NMT1: variants seen among roughly 807,000 people sequenced by gnomAD.
NMT1 encodes glycylpeptide N-tetradecanoyltransferase 1.
A neutral mutation model predicts 63.4 loss-of-function variants in NMT1; 12 were observed. The ratio of observed to expected loss-of-function variants is 0.19; its 90% CI spans 0.12 to 0.31. The LOEUF is 0.31. Ranked by LOEUF, NMT1 falls within the 10% of genes least tolerant of loss-of-function variation. The pLI is 1.00. For synonymous variants in NMT1, 228 were observed against 234.3 expected (o/e 0.97, Z 0.25); for missense variants, 432 against 634.6 (o/e 0.68, Z 3.43).
rs79745610 is a variant in NMT1, at chr17:45,086,799, A to T, written c.385+147A>T. The T allele has an allele frequency of 9.9e-3, 7,259 of 734,878 alleles. 398 individuals carry two copies. The African/African-American group carries it at 0.11, about 12-fold the overall frequency. The allele number at this position is 734,878 out of a possible 1,614,324, so 45.5% of individuals were successfully genotyped here. The stretch of plus-strand genomic sequence containing the variant: ...TAGTTGTTTTCAGAGGGTGGTTTTT[A>T]AAAATGCAGCATAAAGACTATCATT... On this transcript the variant is annotated intron_variant, in intron 3 of 11. Coordinates refer to ENST00000258960, the MANE Select transcript of NMT1 (RefSeq NM_021079.5).
intron 1 of NMT1, among the ~76,000 whole-genome samples, chr17:45,076,842 C>G (rs1260770139): frequency 6.6e-6 from 1 of 151,978 alleles, no homozygotes. Context: ...TGCTCAGTAA[C>G]TGGCTGCTTG....
intron 1 of NMT1, among the ~76,000 whole-genome samples, chr17:45,072,052 G>A (rs2053943092): frequency 6.6e-6 from 1 of 152,118 alleles, no homozygotes; most frequent in Non-Finnish European, 1.5e-5. Flanking sequence ...AGGAATTCAA[G>A]ACCAGCCTGG....
chr17:45,097,164 C>G lies in NMT1; in HGVS notation c.633C>G (p.His211Gln), dbSNP rs1598017204. The change falls in exon 6 of 12, where the codon CAC becomes CAG. Residue 211 changes from histidine to glutamine, a missense_variant. Around this residue, in one of 4 missense-constraint regions of NMT1, gnomAD observed 295 missense variants for 489.7 expected, o/e 0.60. Coordinates refer to ENST00000258960, the MANE Select transcript of NMT1 (RefSeq NM_021079.5). ...CACCCGGCTGGCTCCCCCAGTGGCA[C>G]TGTGGGGTTCGAGTGGTCTCAAGTC... ...LRPPGWLPQW[H>Q]CGVRVVSSRK... The G allele has an allele frequency of 6.2e-7, 1 of 1,614,250 alleles. No individual in the cohort carries two copies.
chr17:45,063,382 G>A (rs1432859265), intron 1 of NMT1, among the ~76,000 whole-genome samples: 2 of 152,158 alleles, frequency 1.3e-5, no homozygotes, highest in Admixed American at 1.3e-4. Context: ...AGAGGAAGTA[G>A]GAACAGGAAG....
intron 8 of NMT1, among the ~76,000 whole-genome samples, chr17:45,102,448 C>T (rs60913586): frequency 6.6e-6 from 1 of 152,192 alleles, no homozygotes; most frequent in Admixed American, 6.5e-5. Context: ...CTGGGAAGTA[C>T]TGGTGTAATA....
chr17:45,104,822 T>C lies in NMT1; in HGVS notation c.1333-37T>C, dbSNP rs376835641. On this transcript the variant is annotated intron_variant, in intron 10 of 11. Coordinates refer to ENST00000258960, the MANE Select transcript of NMT1 (RefSeq NM_021079.5). The surrounding 1 kb of genome is among the most constrained non-coding windows in gnomAD (Gnocchi z 4.2). ...GTAGGAAGGAGGCTGTCCCCACCTG[T>C]CCTCACCTGTTCTTGTTTGTCCCTG... The C allele has an allele frequency of 1.5e-5, 24 of 1,613,478 alleles. No homozygotes were observed. Among genetic ancestry groups the C allele is most frequent in the Non-Finnish European group, 2.0e-5 (24 of 1,179,480 alleles).
At position 45,108,054 on chromosome 17, in the gene NMT1, C is replaced by T. The variant is rs2054214453; in HGVS notation, c.*2415C>T. 6.6e-6 allele frequency: 1 copy of T among 152,286 alleles called. No homozygotes were observed. The highest frequency in any genetic ancestry group is 1.5e-5 in the Non-Finnish European group (1 of 68,084). The allele number at this position is 152,286 out of a possible 1,614,324, so 9.4% of individuals were successfully genotyped here. On this transcript the variant is annotated 3_prime_UTR_variant, in exon 12 of 12. Coordinates refer to ENST00000258960, the MANE Select transcript of NMT1 (RefSeq NM_021079.5). Reference sequence around the variant, plus strand: ...CATCCCGGGGGTCAGGGCCTCCCCACAGGAGCCCTGCAGTGTGGTAGCGCC... The same window carrying T: ...CATCCCGGGGGTCAGGGCCTCCCCATAGGAGCCCTGCAGTGTGGTAGCGCC...
chr17:45,087,050 A>C (rs559166689), intron 3 of NMT1, among the ~76,000 whole-genome samples: 1 of 151,656 alleles, frequency 6.6e-6, no homozygotes, highest in South Asian at 2.1e-4. Context: ...AGTCCCAGCT[A>C]CTCAGGAGGC....
At position 45,105,510 on chromosome 17, in the gene NMT1, C is replaced by T; in HGVS notation, c.1471-109C>T. ...TGGGTGTGAGTCTGCTCCCACAGCA[C>T]AGGCGGTGGACCCGGGCCCAGCCAC... is the stretch of plus-strand genomic sequence containing the variant. On this transcript the variant is annotated intron_variant, in intron 11 of 11. Coordinates refer to ENST00000258960, the MANE Select transcript of NMT1 (RefSeq NM_021079.5). This position sits in a 1 kb window ranked among gnomAD's most constrained non-coding sequence, Gnocchi z 4.2. 1 of 1,204,250 alleles carries T rather than the reference C, an allele frequency of 8.3e-7. No individual in the cohort carries two copies. The highest frequency in any genetic ancestry group is 1.2e-6 in the Non-Finnish European group (1 of 815,094). The allele number at this position is 1,204,250 out of a possible 1,614,324, so 74.6% of individuals were successfully genotyped here. A position where few individuals can be genotyped will look rare whatever the true frequency, so the allele number is the denominator to read the frequency against.
intron 1 of NMT1, among the ~76,000 whole-genome samples, chr17:45,065,337 AC>A (rs1281637735): frequency 1.8e-4 from 28 of 152,138 alleles, no homozygotes; most frequent in African/African-American, 6.5e-4. Context: ...TGAAATACCT[AC>A]AGAGGCAGGG....
intron 1 of NMT1, among the ~76,000 whole-genome samples, chr17:45,076,363 G>T (rs1192247199): frequency 6.6e-6 from 1 of 151,702 alleles, no homozygotes; most frequent in Admixed American, 6.6e-5. Flanking sequence ...CTGTTTGGGG[G>T]TGTTGACTGT....
Position 45,104,591 on chromosome 17 carries a change from C to T in NMT1, c.1333-268C>T. ...TACTAGAGTTTCAGGGAGGCATAAC[C>T]AGGAATAGCAAGAGCCCCGGCCTGG... On this transcript the variant is annotated intron_variant, in intron 10 of 11. Transcript: ENST00000258960. This position sits in a 1 kb window ranked among gnomAD's most constrained non-coding sequence, Gnocchi z 4.2. 8.0e-7 allele frequency: 1 copy of T among 1,243,350 alleles called. No homozygotes were observed. The highest frequency in any genetic ancestry group is 1.5e-5 in the African/African-American group (1 of 66,534). The allele number at this position is 1,243,350 out of a possible 1,614,324, so 77.0% of individuals were successfully genotyped here.
chr17:45,084,493 C>T (rs1284628341), intron 2 of NMT1, among the ~76,000 whole-genome samples: 1 of 152,082 alleles, frequency 6.6e-6, no homozygotes, highest in African/African-American at 2.4e-5. Context: ...CGTGACCACA[C>T]TGGCTAATTT....
intron 3 of NMT1, among the ~76,000 whole-genome samples, chr17:45,090,119 CA>C (rs1274539274): frequency 6.6e-6 from 1 of 151,408 alleles, no homozygotes; most frequent in African/African-American, 2.4e-5. Context: ...CTCGTCTCTA[CA>C]AAAAAATTTA....
chr17:45,090,787 C>T (rs368651988), intron 3 of NMT1, among the ~76,000 whole-genome samples: 58 of 152,190 alleles, frequency 3.8e-4, no homozygotes, highest in African/African-American at 1.3e-3. Context: ...AAAGCAAGTT[C>T]GAAGTGTCAT....
chr17:45,098,249 G>A, intron 6 of NMT1, 133 bp from the exon 7 acceptor site: 1 of 748,104 alleles, frequency 1.3e-6, no homozygotes, highest in South Asian at 1.6e-5. Flanking sequence ...TCCCAGTACT[G>A]AGTGCAGGTG....
intron 4 of NMT1, 22 bp from the exon 5 acceptor site, chr17:45,096,171 GT>G: frequency 6.3e-7 from 1 of 1,575,328 alleles, no homozygotes; most frequent in South Asian, 1.1e-5. Flanking sequence ...ATACCTCCAA[GT>G]GAGCTGCTTA....
At chr17:45,074,315 C>T (rs974680448) in intron 1 of NMT1, among the ~76,000 whole-genome samples, 3 of 151,666 alleles carry the variant, frequency 2.0e-5, no homozygotes, top group African/African-American at 7.3e-5. Context: ...CCTGGGTTCA[C>T]GCCATTCTCC....
chr17:45,084,625 G>A (rs376061659), intron 2 of NMT1, among the ~76,000 whole-genome samples: 14 of 151,086 alleles, frequency 9.3e-5, no homozygotes, highest in East Asian at 5.9e-4. Flanking sequence ...GAGCCACCGC[G>A]CCCGGCCACT....
Sources: gnomAD v4.1 joint callset for allele counts (sites outside exome capture counted in the v4.1 genomes callset) on GRCh38, gnomAD v4.1.1 for gene constraint, gnomAD v4.1.1 regional missense constraint, Gnocchi (gnomAD v3.1) non-coding constraint, MANE v1.5 for transcripts, NCBI Gene and HGNC (gene_info 2026-07-23, HGNC 2026-07-21) for gene names.